Variants in RAB11FIP1 observed in about 807,000 individuals in gnomAD.
The protein encoded by RAB11FIP1 is RAB11 family interacting protein 1.
In RAB11FIP1, 49 loss-of-function variants were observed where a neutral mutation model predicts 83.1. The observed-to-expected ratio is 0.59, with a 90% CI of 0.47 to 0.75. RAB11FIP1 has a LOEUF of 0.75. RAB11FIP1 is among the 30% of genes least tolerant of loss of function. The pLI is 0.00. For synonymous variants in RAB11FIP1, 670 were observed against 656.0 expected, an observed-to-expected ratio of 1.02 and a Z score of -0.33; for missense variants, 1,536 against 1,598.7, an observed-to-expected ratio of 0.96 and a Z score of 0.67.
intron 1 of RAB11FIP1, among the ~76,000 whole-genome samples, chr8:37,889,345 T>A (rs1197424256): frequency 6.6e-6 from 1 of 152,096 alleles, no homozygotes. Context: ...TTAGAAAAAT[T>A]AACTCATTTT....
In RAB11FIP1 at chr8:37,872,236, A is replaced by T. The variant is rs1224362602; in HGVS notation, c.2566T>A (p.Ser856Thr). The T allele has an allele frequency of 6.2e-7, 1 of 1,613,648 alleles. No individual in the cohort carries two copies. The highest frequency in any genetic ancestry group is 8.5e-7 in the Non-Finnish European group (1 of 1,179,894). Residue 856 changes from serine to threonine, a missense_variant, in exon 4 of 6, where the codon TCT (serine) becomes ACT (threonine). Physicochemically the swap from Ser to Thr is moderately conservative, Grantham distance 58 (BLOSUM62 1). Transcript: ENST00000330843. ...GNASDGEPPESPHAEDSERES... is the reference protein window; with the variant it reads ...GNASDGEPPETPHAEDSERES... ...CTTTCTGAGTCCTCTGCGTGGGGAG[A>T]CTCAGGAGGCTCTCCGTCAGACGCG...
intron 1 of RAB11FIP1, among the ~76,000 whole-genome samples, chr8:37,880,430 C>T (rs576643374): frequency 5.3e-5 from 8 of 152,144 alleles, no homozygotes; most frequent in South Asian, 2.1e-4. Flanking sequence ...TCCCGAGTAG[C>T]TGGGACTACA....
At chr8:37,894,063 G>C (rs1807011605) in intron 1 of RAB11FIP1, among the ~76,000 whole-genome samples, 1 of 152,202 alleles carries the variant, frequency 6.6e-6, no homozygotes, top group African/African-American at 2.4e-5. Context: ...TCCTACACTA[G>C]AGTGGGAGGG....
rs754239384 is a variant in RAB11FIP1 at position 37,877,327 on chromosome 8, G to A, written c.596C>T (p.Ser199Leu). ...ASAIIPSTTP[S>L]VDSDDESVVK... The stretch of plus-strand genomic sequence containing the variant: ...CACAGACTCATCATCACTGTCGACC[G>A]AAGGTGTCGTGCTAGGGATGATGGC... The change falls in exon 2 of 6, where the codon TCG (serine) becomes TTG (leucine). Residue 199 changes from serine (S) to leucine (L), a missense_variant. By Grantham distance (145) the Ser-to-Leu change is moderately radical (BLOSUM62 -2). Transcript: ENST00000330843. The A allele has an allele frequency of 7.4e-6, 12 of 1,614,122 alleles. No homozygotes were observed. Among genetic ancestry groups the A allele is most frequent in the Middle Eastern group, 1.6e-4 (1 of 6,062 alleles).
At chr8:37,880,085 G>A (rs938206561) in intron 1 of RAB11FIP1, among the ~76,000 whole-genome samples, 1 of 152,104 alleles carries the variant, frequency 6.6e-6, no homozygotes, top group Non-Finnish European at 1.5e-5. Context: ...CAACTCCACT[G>A]AGAGACAAGC....
At chr8:37,870,559 C>A (rs1490779743) in intron 4 of RAB11FIP1, 31 bp from the exon 5 acceptor site, 2 of 1,262,094 alleles carry the variant, frequency 1.6e-6, no homozygotes, top group Admixed American at 1.8e-5. Context: ...ATCTTTAGAC[C>A]CTCCGGTCAT....
intron 1 of RAB11FIP1, among the ~76,000 whole-genome samples, chr8:37,892,417 TTTTA>T (rs1237151335): frequency 6.8e-6 from 1 of 147,666 alleles, no homozygotes; most frequent in Non-Finnish European, 1.5e-5. Flanking sequence ...AACCCACTAC[TTTTA>T]TTTATATTTA....
At chr8:37,867,469 C>G (rs897662071) in intron 5 of RAB11FIP1, among the ~76,000 whole-genome samples, 1 of 152,132 alleles carries the variant, frequency 6.6e-6, no homozygotes, top group African/African-American at 2.4e-5. Context: ...CTTTGGGAGG[C>G]CGAGGTGGGT....
rs1806487819 is a variant in RAB11FIP1 at position 37,872,359 on chromosome 8, G to A, written c.2443C>T (p.Leu815Phe). 8.1e-6 allele frequency: 13 copies of A among 1,614,104 alleles called. No homozygotes were observed. The highest frequency in any genetic ancestry group is 1.0e-5 in the Non-Finnish European group (12 of 1,180,052). The stretch of plus-strand genomic sequence containing the variant: ...CCCGCCACTGCCTCTTCCGTGAAGA[G>A]CTGCTCAGAAAATGACACACGCTTC... ...TKKRVSFSEQ[L>F]FTEEAVAGAA... is the part of the protein sequence containing the mutation. Residue 815 changes from leucine (L) to phenylalanine (F), a missense_variant, in exon 4 of 6, where the codon CTC becomes TTC. Leu to Phe is a conservative substitution (Grantham distance 22, BLOSUM62 0). Coordinates refer to ENST00000330843, the MANE Select transcript of RAB11FIP1 (RefSeq NM_001002814.3).
intron 1 of RAB11FIP1, among the ~76,000 whole-genome samples, chr8:37,894,739 T>TATGTATATATATATACAC (rs1416954611): frequency 6.8e-6 from 1 of 147,240 alleles, no homozygotes; most frequent in African/African-American, 2.5e-5. Context: ...TATATATATA[T>TATGTATATATATATACAC]ACACACACAC....
In RAB11FIP1 at chr8:37,871,478, G is replaced by C. The variant is rs149464839; in HGVS notation, c.3324C>G (p.His1108Gln). Reference sequence around the variant, plus strand: ...CAGAATGTGCAGAGCTGGGGAAAGAGTGTGTGACAGGAAAGATCTCAGAAG... The same window carrying C: ...CAGAATGTGCAGAGCTGGGGAAAGACTGTGTGACAGGAAAGATCTCAGAAG... ...PSPSEIFPVT[H>Q]SFPSSAHSDT... is the part of the protein sequence containing the mutation. Residue 1108 changes from histidine to glutamine, a missense_variant, in exon 4 of 6, where the codon CAC becomes CAG. Transcript: ENST00000330843. 46 of 1,613,834 alleles carry C rather than the reference G, an allele frequency of 2.9e-5. No homozygotes were observed. The highest frequency in any genetic ancestry group is 3.9e-5 in the Non-Finnish European group (46 of 1,179,922).
Position 37,872,195 on chromosome 8 carries a change from T to C in RAB11FIP1, c.2607A>G (p.Thr869=). The change falls in exon 4 of 6, where the codon ACA becomes ACG. Residue 869 remains threonine, a synonymous_variant. Coordinates refer to ENST00000330843, the MANE Select transcript of RAB11FIP1 (RefSeq NM_001002814.3). ...AEDSERESVT[T]PGPATCGAPA... ...GCGCACCACACGTCGCTGGCCCAGG[T>C]GTGGTCACCGATTCCCTTTCTGAGT... 1 of 1,613,940 alleles carries C rather than the reference T, an allele frequency of 6.2e-7. No individual in the cohort carries two copies. The highest frequency in any genetic ancestry group is 1.6e-4 in the Middle Eastern group (1 of 6,062).
At position 37,871,266 on chromosome 8, in the gene RAB11FIP1, C is replaced by T. The variant is rs1806450149; in HGVS notation, c.3524+12G>A. 9 of 1,589,994 alleles carry T rather than the reference C, an allele frequency of 5.7e-6. No homozygotes were observed. Among genetic ancestry groups the T allele is most frequent in the African/African-American group, 1.4e-5 (1 of 73,824 alleles). Reference sequence around the variant, plus strand: ...GCTCACATTTACATAGACAATCTCCCCCATCTCTCACCTGTGCTTGGCTGA... The same window carrying T: ...GCTCACATTTACATAGACAATCTCCTCCATCTCTCACCTGTGCTTGGCTGA... On this transcript the variant is annotated intron_variant, in intron 4 of 5. Transcript: ENST00000330843.
chr8:37,881,746 G>A (rs746025188), intron 1 of RAB11FIP1, among the ~76,000 whole-genome samples: 1 of 151,956 alleles, frequency 6.6e-6, no homozygotes, highest in Non-Finnish European at 1.5e-5. Context: ...GCCCAGGCTG[G>A]AGTGCAGTGG....
chr8:37,898,196 T>C (rs1807131442), intron 1 of RAB11FIP1, among the ~76,000 whole-genome samples: 1 of 152,236 alleles, frequency 6.6e-6, no homozygotes, highest in African/African-American at 2.4e-5. Flanking sequence ...TGCCAGACGC[T>C]GAGGGGCGTC....
Position 37,860,224 on chromosome 8 carries a change from A to G in RAB11FIP1, c.*2671T>C, listed in dbSNP as rs1269992318. 6.5e-6 allele frequency: 1 copy of G among 152,754 alleles called. No homozygotes were observed. The highest frequency in any genetic ancestry group is 1.5e-5 in the Non-Finnish European group (1 of 68,116). The allele number at this position is 152,754 out of a possible 1,614,324, so 9.5% of individuals were successfully genotyped here. On this transcript the variant is annotated 3_prime_UTR_variant, in exon 6 of 6. Transcript: ENST00000330843. ...CTGCAGATCTCTACGCCAGCTCTCC[A>G]ATGGAAGAAGAACCACATAGAGCAC...
chr8:37,869,475 C>A (rs568312644), intron 5 of RAB11FIP1, among the ~76,000 whole-genome samples: 2 of 152,130 alleles, frequency 1.3e-5, no homozygotes, highest in African/African-American at 4.8e-5. Context: ...ACCTACAGTC[C>A]CAGCTACTTG....
chr8:37,896,909 A>G (rs1030634030), intron 1 of RAB11FIP1, among the ~76,000 whole-genome samples: 4 of 152,160 alleles, frequency 2.6e-5, no homozygotes, highest in African/African-American at 4.8e-5. Context: ...GATGTGATCT[A>G]CCTCTCAAGG....
intron 5 of RAB11FIP1, among the ~76,000 whole-genome samples, chr8:37,865,683 C>A (rs1806328637): frequency 6.6e-6 from 1 of 152,180 alleles, no homozygotes; most frequent in Non-Finnish European, 1.5e-5. Flanking sequence ...AGTTTTACAG[C>A]TTTTTACTAT....
Sources: allele counts gnomAD v4.1 joint callset (sites outside exome capture counted in the v4.1 genomes callset), GRCh38; gene constraint gnomAD v4.1.1; transcripts MANE v1.5; gene names NCBI Gene and HGNC (gene_info 2026-07-23, HGNC 2026-07-21).